The following TCTN3 variants were observed in gnomAD, a reference collection of about 807,000 sequenced individuals.
The protein encoded by TCTN3 is tectonic-3.
A neutral mutation model predicts 71.3 loss-of-function variants in TCTN3; 57 were observed. The observed-to-expected ratio is 0.80, with a 90% CI of 0.65 to 1.00. TCTN3 has a LOEUF of 1.00. Ranked by LOEUF, TCTN3 falls within the 50% of genes least tolerant of loss-of-function variation. TCTN3 has a pLI of 0.00. For synonymous variants in TCTN3, 258 were observed against 267.8 expected (o/e 0.96, Z 0.36); for missense variants, 696 against 719.9 (o/e 0.97, Z 0.38).
intron 8 of TCTN3, among the ~76,000 whole-genome samples, chr10:95,685,227 G>A (rs1015611213): frequency 6.6e-6 from 1 of 152,320 alleles, no homozygotes; most frequent in South Asian, 2.1e-4. Context: ...AACAGAAGAG[G>A]TGTCAGAAAT....
At position 95,687,129 on chromosome 10, in the gene TCTN3, G is replaced by A; in HGVS notation, c.767C>T (p.Thr256Ile). 1 of 1,614,204 alleles carries A rather than the reference G, an allele frequency of 6.2e-7. No homozygotes were observed. Among genetic ancestry groups the A allele is most frequent in the Non-Finnish European group, 8.5e-7 (1 of 1,180,018 alleles). ...ACTAGCCAGGTTCTTGAAAAAACGA[G>A]TGCAAGTTGTACTTTTACTCTCTAG... ...GFLESKSTTC[T>I]RFFKNLASSC... Residue 256 changes from threonine (T) to isoleucine (I), a missense_variant, in exon 6 of 14, where the codon ACT (threonine) becomes ATT (isoleucine). Physicochemically the swap from Thr to Ile is moderately conservative, Grantham distance 89. Coordinates refer to ENST00000371217, the MANE Select transcript of TCTN3 (RefSeq NM_015631.6).
intron 13 of TCTN3, among the ~76,000 whole-genome samples, chr10:95,676,400 C>T (rs1288129812): frequency 1.3e-5 from 2 of 151,778 alleles, no homozygotes; most frequent in Non-Finnish European, 1.5e-5. Context: ...GACAGGGTTT[C>T]ACCATGTTGG....
intron 5 of TCTN3, 28 bp downstream of exon 5, chr10:95,687,219 A>G: frequency 6.2e-7 from 1 of 1,612,550 alleles, no homozygotes; most frequent in Middle Eastern, 1.6e-4. Context: ...ATTGAATGAA[A>G]AGGTTGGTAC....
Position 95,677,762 on chromosome 10 carries a change from T to C in TCTN3, c.1590+2710A>G, listed in dbSNP as rs560284559. Among the ~76,000 whole-genome samples, 140 of 152,222 alleles carry C rather than the reference T, an allele frequency of 9.2e-4. 1 individual carries two copies. The Middle Eastern group carries it at 0.01, about 11-fold the overall frequency. On this transcript the variant is annotated intron_variant, in intron 13 of 13. Coordinates refer to ENST00000371217, the MANE Select transcript of TCTN3 (RefSeq NM_015631.6). ...GTGAAGGGCGGGTTGGCTTAGGTTG[T>C]ATGAATGCAGAACAGGGTAGAGTAC...
intron 13 of TCTN3, among the ~76,000 whole-genome samples, chr10:95,670,309 T>C (rs1433387906): frequency 6.6e-6 from 1 of 152,116 alleles, no homozygotes; most frequent in Non-Finnish European, 1.5e-5. Flanking sequence ...TTGCACTTAC[T>C]AGGTAACCAG....
chr10:95,681,502 G>A (rs1421074077), intron 12 of TCTN3, among the ~76,000 whole-genome samples: 1 of 152,208 alleles, frequency 6.6e-6, no homozygotes, highest in Non-Finnish European at 1.5e-5. Flanking sequence ...TAAAGTCAAA[G>A]AAGATGATAC....
At chr10:95,668,279 T>C (rs555137015) in intron 13 of TCTN3, among the ~76,000 whole-genome samples, 2 of 135,862 alleles carry the variant, frequency 1.5e-5, no homozygotes, top group Admixed American at 1.5e-4. Flanking sequence ...AAAAGAGATA[T>C]CAGAGAAAAG....
In TCTN3 at chr10:95,685,617, A is replaced by G; in HGVS notation, c.908T>C (p.Leu303Pro). 2 of 1,551,426 alleles carry G rather than the reference A, an allele frequency of 1.3e-6. No individual in the cohort carries two copies. Among genetic ancestry groups the G allele is most frequent in the Non-Finnish European group, 1.7e-6 (2 of 1,146,796 alleles). The change falls in exon 8 of 14, where the codon CTT becomes CCT. Residue 303 changes from leucine to proline, a missense_variant. Coordinates refer to ENST00000371217, the MANE Select transcript of TCTN3 (RefSeq NM_015631.6). ...QNMEFQVPVI[L>P]TSQANAPLLA... ...CAGAGGAGCATTAGCCTGTGAGGTA[A>G]GTATTACAGGAACCTGGAACTAGCA...
At chr10:95,677,487 T>TTTTTTTTTTTTTTTTTTTTTTTC (rs2097938472) in intron 13 of TCTN3, among the ~76,000 whole-genome samples, 1 of 79,494 alleles carries the variant, frequency 1.3e-5, no homozygotes, top group Non-Finnish European at 2.6e-5. Context: ...TTTTTTGTTT[T>TTTTTTTTTTTTTTTTTTTTTTTC]TTTTTTTTTT....
At chr10:95,686,328 A>G (rs1226707927) in intron 7 of TCTN3, among the ~76,000 whole-genome samples, 167 bp downstream of exon 7, 1 of 152,236 alleles carries the variant, frequency 6.6e-6, no homozygotes, top group Non-Finnish European at 1.5e-5. Context: ...CGAGGCTATT[A>G]ACTGTATAGG....
chr10:95,685,565 T>C lies in TCTN3; in HGVS notation c.960A>G (p.Val320=), dbSNP rs748640238. The C allele has an allele frequency of 7.1e-6, 11 of 1,551,100 alleles. No individual in the cohort carries two copies. Among genetic ancestry groups the C allele is most frequent in the Non-Finnish European group, 9.6e-6 (11 of 1,146,646 alleles). The change falls in exon 8 of 14, where the codon GTA becomes GTG. Residue 320 remains valine (V), a synonymous_variant. Transcript: ENST00000371217. Reference sequence around the variant, plus strand: ...AGGTCAGTATCCCTACCTGAGAAACTACATTCTGACAAGTGTTTCCAGCCA... The same window carrying C: ...AGGTCAGTATCCCTACCTGAGAAACCACATTCTGACAAGTGTTTCCAGCCA... ...PLLAGNTCQN[V]VSQVTYEIET... is the part of the protein sequence containing the mutation.
intron 4 of TCTN3, 24 bp from the exon 5 acceptor site, chr10:95,687,379 T>G: frequency 6.3e-7 from 1 of 1,580,908 alleles, no homozygotes; most frequent in Non-Finnish European, 8.6e-7. Flanking sequence ...AAAAGAAACT[T>G]TGTTCACAGT....
intron 13 of TCTN3, among the ~76,000 whole-genome samples, chr10:95,674,580 T>G (rs2097934995): frequency 6.6e-6 from 1 of 152,140 alleles, no homozygotes; most frequent in Non-Finnish European, 1.5e-5. Context: ...TCAATAACAT[T>G]TTTTTCCTAT....
intron 11 of TCTN3, 146 bp from the exon 12 acceptor site, chr10:95,682,950 A>C: frequency 8.0e-7 from 1 of 1,249,470 alleles, no homozygotes; most frequent in South Asian, 1.5e-5. Flanking sequence ...ATTGCCAGAA[A>C]ACTCTTAGCA....
chr10:95,693,456 C>A lies in TCTN3; in HGVS notation c.277G>T (p.Asp93Tyr). Residue 93 changes from aspartate (D) to tyrosine (Y), a missense_variant, in exon 2 of 14, where the codon GAC becomes TAC. Coordinates refer to ENST00000371217, the MANE Select transcript of TCTN3 (RefSeq NM_015631.6). The part of the protein sequence containing the change: ...LFPVLPICVC[D>Y]LTPGACDINC... ...ATATCGCAGGCTCCAGGAGTCAAGT[C>A]ACAGACACAGATCGGTAAGACTATG... is the stretch of plus-strand genomic sequence containing the variant. 6.4e-7 allele frequency: 1 copy of A among 1,552,130 alleles called. No individual in the cohort carries two copies. The highest frequency in any genetic ancestry group is 8.7e-7 in the Non-Finnish European group (1 of 1,147,040).
chr10:95,673,152 G>A (rs114096212), intron 13 of TCTN3, among the ~76,000 whole-genome samples: 1 of 151,984 alleles, frequency 6.6e-6, no homozygotes, highest in South Asian at 2.1e-4. Flanking sequence ...TTTCATAATG[G>A]TATCTTTTGG....
chr10:95,682,709 G>C lies in TCTN3; in HGVS notation c.1394C>G (p.Ala465Gly). 6.2e-7 allele frequency: 1 copy of C among 1,614,122 alleles called. No homozygotes were observed. Among genetic ancestry groups the C allele is most frequent in the Non-Finnish European group, 8.5e-7 (1 of 1,180,014 alleles). The change falls in exon 12 of 14, where the codon GCT becomes GGT. Residue 465 changes from alanine (A) to glycine (G), a missense_variant. Transcript: ENST00000371217. Reference protein sequence around the residue: ...RPEYVAIFGNADPAQKGGWTR... With the variant: ...RPEYVAIFGNGDPAQKGGWTR... ...CCACCCTCCTTTCTGGGCTGGGTCA[G>C]CATTACCAAAGATGGCAACATACTC...
intron 13 of TCTN3, among the ~76,000 whole-genome samples, chr10:95,674,822 AGAATGAATGAAT>A (rs10678463): frequency 1.3e-5 from 2 of 150,694 alleles, no homozygotes; most frequent in Non-Finnish European, 1.5e-5. Flanking sequence ...CCCCATCTCT[AGAATGAATGAAT>A]GAATGAATGA....
intron 7 of TCTN3, 96 bp downstream of exon 7, chr10:95,686,399 A>G: frequency 2.3e-6 from 3 of 1,311,438 alleles, no homozygotes; most frequent in Non-Finnish European, 3.3e-6. Context: ...TCACGCTTAC[A>G]TTTATCTTTC....
Sources: allele counts gnomAD v4.1 joint callset (sites outside exome capture counted in the v4.1 genomes callset), GRCh38; gene constraint gnomAD v4.1.1; transcripts MANE v1.5; gene names NCBI Gene and HGNC (gene_info 2026-07-23, HGNC 2026-07-21).